C2: variants seen among roughly 807,000 people sequenced by gnomAD.
C2 encodes the protein complement C2.
C2 carries 64 observed loss-of-function variants against 85.2 expected under a neutral mutation model. The observed-to-expected ratio is 0.75, with a 90% CI of 0.61 to 0.92. The LOEUF is 0.92. C2 is among the 40% of genes least tolerant of loss of function. The pLI, the probability that C2 is intolerant of heterozygous loss-of-function variation, is 0.00. For missense variants in C2, 820 were observed against 971.6 expected (o/e 0.84, Z 2.07); for synonymous variants, 311 against 370.8 (o/e 0.84, Z 1.85).
chr6:31,907,952 T>C (rs1767831095), intron 1 of C2, among the ~76,000 whole-genome samples: 1 of 141,570 alleles, frequency 7.1e-6, no homozygotes, highest in South Asian at 2.4e-4. Flanking sequence ...GTTCAAGCAA[T>C]TCTCCTGCCT....
chr6:31,906,885 G>A (rs778461795), intron 1 of C2, among the ~76,000 whole-genome samples: 5 of 151,632 alleles, frequency 3.3e-5, no homozygotes, highest in Admixed American at 3.3e-4. Flanking sequence ...ACCTGTAATC[G>A]CAGCACTTTG....
chr6:31,937,537 T>G, intron 8 of C2, 78 bp downstream of exon 8: 1 of 1,558,624 alleles, frequency 6.4e-7, no homozygotes, highest in Non-Finnish European at 8.8e-7. Flanking sequence ...TGAATTCTGA[T>G]TCTCCCTCTG....
Position 31,944,674 on chromosome 6 carries a change from C to T in C2, c.1903-53C>T. 6.2e-7 allele frequency: 1 copy of T among 1,609,434 alleles called. No individual in the cohort carries two copies. The highest frequency in any genetic ancestry group is 8.5e-7 in the Non-Finnish European group (1 of 1,177,612). Reference sequence around the variant, plus strand: ...GAGATTACAGGCGTGAGCCACTGCACCCACCCGGGTCTGCTTATTCTACCC... The same window carrying T: ...GAGATTACAGGCGTGAGCCACTGCATCCACCCGGGTCTGCTTATTCTACCC... On this transcript the variant is annotated intron_variant, in intron 15 of 17. Transcript: ENST00000299367. The surrounding 1 kb of genome is among the most constrained non-coding windows in gnomAD (Gnocchi z 5.1).
chr6:31,931,835 C>A (rs1175070384), intron 3 of C2, among the ~76,000 whole-genome samples: 2 of 147,090 alleles, frequency 1.4e-5, no homozygotes, highest in African/African-American at 5.0e-5. Context: ...TTCCAGTAGG[C>A]GCGGCCGGGC....
At chr6:31,927,430 T>G, upstream of C2, 3 of 1,267,752 alleles carry the variant, frequency 2.4e-6, no homozygotes, top group East Asian at 3.1e-5. This position sits in a 1 kb window ranked among gnomAD's most constrained non-coding sequence, Gnocchi z 4.7. Flanking sequence ...TGCCTGCGTG[T>G]TTGTGAGCAT....
At chr6:31,911,421 T>A in intron 1 of C2, among the ~76,000 whole-genome samples, 1 of 152,226 alleles carries the variant, frequency 6.6e-6, no homozygotes. Context: ...AATGGCATTC[T>A]TTTGCAACTA....
Position 31,945,609 on chromosome 6 carries a change from G to T in C2, c.*252G>T. 1 of 586,688 alleles carries T rather than the reference G, an allele frequency of 1.7e-6. No homozygotes were observed. The highest frequency in any genetic ancestry group is 2.1e-5 in the South Asian group (1 of 47,324). The allele number at this position is 586,688 out of a possible 1,614,324, so 36.3% of individuals were successfully genotyped here. A position where few individuals can be genotyped will look rare whatever the true frequency, so the allele number is the denominator to read the frequency against. Reference sequence around the variant, plus strand: ...TCCTTCCCTGGTTGACTTGACTCATGCTTGTTTCACTTTCACATGGAATTT... The same window carrying T: ...TCCTTCCCTGGTTGACTTGACTCATTCTTGTTTCACTTTCACATGGAATTT... On this transcript the variant is annotated 3_prime_UTR_variant, in exon 18 of 18. Coordinates refer to ENST00000299367, the MANE Select transcript of C2 (RefSeq NM_000063.6). The surrounding 1 kb of genome is among the most constrained non-coding windows in gnomAD (Gnocchi z 5.3).
upstream of C2, chr6:31,897,994 C>T: frequency 1.2e-6 from 1 of 838,466 alleles, no homozygotes; most frequent in Non-Finnish European, 1.5e-6. Context: ...GCTGTATTTC[C>T]TCTGGCCTGG....
At chr6:31,934,503 G>T (rs977492111) in intron 6 of C2, 2 of 1,236,792 alleles carry the variant, frequency 1.6e-6, no homozygotes, top group African/African-American at 3.0e-5. Flanking sequence ...ACACTGTGCT[G>T]GGGCTGGGCG....
Position 31,904,099 on chromosome 6 carries a change from T to C in C2, c.73+2960T>C, listed in dbSNP as rs1173813806. Among the ~76,000 whole-genome samples, 1 of 151,954 alleles carries C rather than the reference T, an allele frequency of 6.6e-6. No homozygotes were observed. Among genetic ancestry groups the C allele is most frequent in the Non-Finnish European group, 1.5e-5 (1 of 68,020 alleles). ...CCACTGGGCAAGTTACTTAATTCTC[T>C]GAATCACAGTGTCCTTATCTTTGTC... On this transcript the variant is annotated intron_variant, in intron 1 of 3. Coordinates refer to the C2 transcript ENST00000452202. This position sits in a 1 kb window ranked among gnomAD's most constrained non-coding sequence, Gnocchi z 4.4.
rs530462555 is a variant in C2 at position 31,922,390 on chromosome 6, G to A, written c.-100+2364G>A. Among the ~76,000 whole-genome samples, 42 of 152,270 alleles carry A rather than the reference G, an allele frequency of 2.8e-4. No individual in the cohort carries two copies. The highest frequency in any genetic ancestry group is 7.7e-4 in the African/African-American group (32 of 41,560). On this transcript the variant is annotated intron_variant, in intron 1 of 3. Transcript: ENST00000413154. The surrounding 1 kb of genome is among the most constrained non-coding windows in gnomAD (Gnocchi z 4.8). ...ATGACCGCGAAGTCCATGCCCAAGT[G>A]GCCAGACTGGATAAGGAGTAGACTG... is the stretch of plus-strand genomic sequence containing the variant.
At chr6:31,900,283 C>T (rs1767099440), upstream of C2, 1 of 1,612,968 alleles carries the variant, frequency 6.2e-7, no homozygotes, top group African/African-American at 1.3e-5. The surrounding 1 kb of genome is among the most constrained non-coding windows in gnomAD (Gnocchi z 9.7). Flanking sequence ...CGCCCTGGAA[C>T]ACTTCCGGGC....
chr6:31,933,497 G>T, intron 3 of C2, 113 bp from the exon 4 acceptor site: 1 of 1,059,006 alleles, frequency 9.4e-7, no homozygotes, highest in Non-Finnish European at 1.4e-6. Context: ...GACAGACATG[G>T]GTGCATCCCT....
upstream of C2, among the ~76,000 whole-genome samples, chr6:31,915,893 G>C (rs1054307933): frequency 2.6e-5 from 4 of 152,232 alleles, no homozygotes; most frequent in Admixed American, 6.5e-5. Context: ...CTCAATGGCT[G>C]CCTCAACTCG....
intron 1 of C2, among the ~76,000 whole-genome samples, chr6:31,903,406 G>A (rs2151698053): frequency 6.6e-6 from 1 of 152,308 alleles, no homozygotes; most frequent in East Asian, 1.9e-4. Context: ...GAGGCAGGTG[G>A]ATCACCTGAG....
intron 1 of C2, among the ~76,000 whole-genome samples, chr6:31,902,245 C>T (rs567564853): frequency 1.3e-5 from 2 of 151,716 alleles, no homozygotes; most frequent in South Asian, 2.1e-4. Flanking sequence ...CTCTTTCTCG[C>T]TCCCCCTCCT....
rs988703938 is a variant in C2, at chr6:31,945,112, T to C, written c.2080-66T>C. ...GGATGAGGGAGGCCTTTGAGGGATC[T>C]AGGGAGGTTGGGGCTTACAGTTGGG... On this transcript the variant is annotated intron_variant, in intron 17 of 17. Coordinates refer to ENST00000299367, the MANE Select transcript of C2 (RefSeq NM_000063.6). This position sits in a 1 kb window ranked among gnomAD's most constrained non-coding sequence, Gnocchi z 5.3. The C allele has an allele frequency of 1.9e-6, 3 of 1,609,250 alleles. No homozygotes were observed. The African/African-American group carries it at 4.0e-5, about 22-fold the overall frequency.
chr6:31,914,590 CAA>C (rs531356471), intron 1 of C2, among the ~76,000 whole-genome samples: 1 of 117,962 alleles, frequency 8.5e-6, no homozygotes, highest in African/African-American at 3.1e-5. Flanking sequence ...GACTCCGTCT[CAA>C]AAAAAAAAAA....
At chr6:31,929,135 G>T (rs1329853742) in intron 3 of C2, among the ~76,000 whole-genome samples, 1 of 152,228 alleles carries the variant, frequency 6.6e-6, no homozygotes, top group Admixed American at 6.5e-5. Context: ...TTCAGATGTA[G>T]CATAAAGCCT....
Sources: gnomAD v4.1 joint callset for allele counts (sites outside exome capture counted in the v4.1 genomes callset) on GRCh38, gnomAD v4.1.1 for gene constraint, Gnocchi (gnomAD v3.1) non-coding constraint, MANE v1.5 for transcripts, NCBI Gene and HGNC (gene_info 2026-07-23, HGNC 2026-07-21) for gene names.